NGF: variants seen among roughly 807,000 people sequenced by gnomAD.
NGF encodes the protein nerve growth factor.
In NGF, 4 loss-of-function variants were observed where a neutral mutation model predicts 12.8. That is an observed-to-expected ratio of 0.31 (90% CI 0.15 to 0.72). The LOEUF is 0.72. Ranked by LOEUF, NGF falls within the 30% of genes least tolerant of loss-of-function variation. The probability of loss-of-function intolerance (pLI) is 0.69; values close to 1 mark genes in which losing one functional copy is unlikely to be tolerated. For synonymous variants in NGF, 140 were observed against 130.0 expected, an observed-to-expected ratio of 1.08 and a Z score of -0.52; for missense variants, 283 against 330.8, an observed-to-expected ratio of 0.86 and a Z score of 1.12.
chr1:115,316,753 T>C (rs1365949783), intron 1 of NGF, among the ~76,000 whole-genome samples: 2 of 152,200 alleles, frequency 1.3e-5, no homozygotes, highest in Admixed American at 6.5e-5. Context: ...CCAATTGAAA[T>C]AGTTGCTTAT....
At chr1:115,286,946 AG>A in intron 2 of NGF, 139 bp from the exon 3 acceptor site, 2 of 1,057,824 alleles carry the variant, frequency 1.9e-6, no homozygotes, top group Non-Finnish European at 2.9e-6. Context: ...TGAGAGGGAA[AG>A]GGTGTGCTAG....
At chr1:115,316,804 A>G (rs1189559032) in intron 1 of NGF, among the ~76,000 whole-genome samples, 3 of 152,190 alleles carry the variant, frequency 2.0e-5, no homozygotes, top group Admixed American at 2.0e-4. Context: ...GATATTGCAT[A>G]TTAAAAAAGA....
chr1:115,328,227 G>C (rs1654826345), intron 1 of NGF, among the ~76,000 whole-genome samples: 1 of 152,160 alleles, frequency 6.6e-6, no homozygotes, highest in African/African-American at 2.4e-5. Context: ...GGCAGGCTAA[G>C]CTTCCATGAG....
chr1:115,305,852 CTG>C (rs1654187082), intron 1 of NGF, among the ~76,000 whole-genome samples: 2 of 152,160 alleles, frequency 1.3e-5, no homozygotes, highest in South Asian at 4.1e-4. Context: ...AATTCTGAGA[CTG>C]TGAAGAAAAA....
chr1:115,293,774 TAG>T (rs1396364494), intron 1 of NGF, 24 bp from the exon 2 acceptor site: 2 of 152,740 alleles, frequency 1.3e-5, no homozygotes, highest in African/African-American at 2.4e-5. Flanking sequence ...GAGCTGGCAT[TAG>T]ACTGTACCTC....
intron 1 of NGF, among the ~76,000 whole-genome samples, chr1:115,324,492 G>A (rs1654717952): frequency 6.6e-6 from 1 of 151,946 alleles, no homozygotes; most frequent in South Asian, 2.1e-4. Flanking sequence ...TTCCTGACCT[G>A]AGCCAACCTG....
intron 1 of NGF, among the ~76,000 whole-genome samples, chr1:115,314,860 G>T (rs1414162705): frequency 6.6e-6 from 1 of 152,206 alleles, no homozygotes; most frequent in Non-Finnish European, 1.5e-5. Context: ...ATGTCCGTTG[G>T]TGATAAGTGC....
chr1:115,331,978 A>G (rs538264260), intron 1 of NGF, among the ~76,000 whole-genome samples: 3 of 152,324 alleles, frequency 2.0e-5, no homozygotes, highest in Admixed American at 6.5e-5. Context: ...CACAGGTTCT[A>G]TGTAATTCAG....
At chr1:115,337,256 G>GTTTTTTTTTTTTTTTTTT (rs1364127314) in intron 1 of NGF, among the ~76,000 whole-genome samples, 2 of 27,200 alleles carry the variant, frequency 7.4e-5, no homozygotes, top group African/African-American at 3.3e-4. Context: ...AATTTTTTTT[G>GTTTTTTTTTTTTTTTTTT]TTTTGTTTTT....
intron 1 of NGF, among the ~76,000 whole-genome samples, chr1:115,300,989 C>CTCTT (rs1315026132): frequency 7.9e-5 from 12 of 152,200 alleles, no homozygotes; most frequent in Admixed American, 7.9e-4. Flanking sequence ...TTTCATCTAG[C>CTCTT]TCTTTCATTA....
chr1:115,317,336 A>C (rs754152739), intron 1 of NGF, among the ~76,000 whole-genome samples: 1 of 152,200 alleles, frequency 6.6e-6, no homozygotes, highest in Non-Finnish European at 1.5e-5. Flanking sequence ...ATGGAAAGTT[A>C]GTCTGCAGAA....
At chr1:115,297,112 T>G (rs6678898) in intron 1 of NGF, among the ~76,000 whole-genome samples, 125,134 of 152,254 alleles carry the variant, frequency 0.82, 51,903 homozygotes, top group African/African-American at 0.94. Context: ...TAGTAGTATT[T>G]TAGTAATATC....
intron 1 of NGF, among the ~76,000 whole-genome samples, chr1:115,308,549 A>G (rs1183990509): frequency 1.3e-5 from 2 of 152,232 alleles, no homozygotes; most frequent in African/African-American, 4.8e-5. Flanking sequence ...TTCTAATGAT[A>G]TTCAACTAAA....
chr1:115,337,267 G>GTTTGTTTTTTTTTTTTTTTT lies in NGF; in HGVS notation c.-137+936_-137+937insAAAAAAAAAAAAAAAACAAA. ...TCGAAATTTTTTTTGTTTTGTTTTT[G>GTTTGTTTTTTTTTTTTTTTT]TTTTTTTTTTTTTTTTTTTTTTTTT... On this transcript the variant is annotated intron_variant, in intron 1 of 2. Coordinates refer to ENST00000369512, the MANE Select transcript of NGF (RefSeq NM_002506.3). Among the ~76,000 whole-genome samples the GTTTGTTTTTTTTTTTTTTTT allele has an allele frequency of 1.4e-3, 112 of 81,028 alleles. 17 individuals carry two copies. Among genetic ancestry groups the GTTTGTTTTTTTTTTTTTTTT allele is most frequent in the East Asian group, 3.7e-3 (10 of 2,720 alleles). 53.2% of individuals were successfully genotyped at this position (81,028 alleles called of 152,430 possible). A position where few individuals can be genotyped will look rare whatever the true frequency, so the allele number is the denominator to read the frequency against.
At chr1:115,292,800 T>C (rs1422239511) in intron 2 of NGF, among the ~76,000 whole-genome samples, 1 of 152,180 alleles carries the variant, frequency 6.6e-6, no homozygotes, top group African/African-American at 2.4e-5. Context: ...TTAGGGAATA[T>C]TTAGATATTG....
chr1:115,324,797 G>C (rs991817695), intron 1 of NGF, among the ~76,000 whole-genome samples: 2 of 152,088 alleles, frequency 1.3e-5, no homozygotes, highest in Non-Finnish European at 2.9e-5. Context: ...GCTAGATCCC[G>C]CTGATCTCTT....
intron 1 of NGF, among the ~76,000 whole-genome samples, chr1:115,334,434 T>A (rs1364436287): frequency 6.6e-6 from 1 of 152,162 alleles, no homozygotes; most frequent in East Asian, 1.9e-4. Flanking sequence ...TTCACCTTAC[T>A]CTTTCTGATT....
chr1:115,307,449 CTT>C (rs1654232008), intron 1 of NGF, among the ~76,000 whole-genome samples: 1 of 152,168 alleles, frequency 6.6e-6, no homozygotes, highest in Non-Finnish European at 1.5e-5. Flanking sequence ...TGAGAAAAGA[CTT>C]TGAAGATAAT....
At chr1:115,310,857 G>A (rs1260226026) in intron 1 of NGF, among the ~76,000 whole-genome samples, 1 of 152,080 alleles carries the variant, frequency 6.6e-6, no homozygotes, top group African/African-American at 2.4e-5. Context: ...TTGGGGCAAG[G>A]GGTGTGGGGT....
Sources: allele counts gnomAD v4.1 joint callset (sites outside exome capture counted in the v4.1 genomes callset), GRCh38; gene constraint gnomAD v4.1.1; transcripts MANE v1.5; gene names NCBI Gene and HGNC (gene_info 2026-07-23, HGNC 2026-07-21).